DEFB119: variants seen among roughly 807,000 people sequenced by gnomAD.
DEFB119 encodes the protein defensin beta 119.
A neutral mutation model predicts 2.5 loss-of-function variants in DEFB119; 3 were observed. The observed-to-expected ratio is 1.19, with a 90% CI of 0.54 to 3.07. The LOEUF (loss-of-function observed/expected upper bound fraction) is 3.07. Among genes scored for constraint, DEFB119 ranks in the 30% most tolerant of loss-of-function variants. The probability of loss-of-function intolerance (pLI) is 0.03; values close to 1 mark genes in which losing one functional copy is unlikely to be tolerated. For missense variants in DEFB119, 113 were observed against 101.1 expected (o/e 1.12, Z -0.50); for synonymous variants, 29 against 33.7 (o/e 0.86, Z 0.48).
Position 31,377,170 on chromosome 20 carries a change from G to T in DEFB119, c.*76C>A. 2 of 1,418,152 alleles carry T rather than the reference G, an allele frequency of 1.4e-6. No homozygotes were observed. The highest frequency in any genetic ancestry group is 9.6e-7 in the Non-Finnish European group (1 of 1,046,726). 87.8% of individuals were successfully genotyped at this position (1,418,152 alleles called of 1,614,324 possible). A position where few individuals can be genotyped will look rare whatever the true frequency, so the allele number is the denominator to read the frequency against. ...GACCAAAGACAGACAAGGGTAGCAG[G>T]CACATGAATTTTAATGAGGGGGGTT... is the stretch of plus-strand genomic sequence containing the variant. On this transcript the variant is annotated 3_prime_UTR_variant, in exon 2 of 2. Transcript: ENST00000376321.
intron 1 of DEFB119, among the ~76,000 whole-genome samples, chr20:31,385,209 C>G (rs1180951845): frequency 3.9e-5 from 6 of 152,052 alleles, no homozygotes; most frequent in Non-Finnish European, 8.8e-5. Context: ...ACTGAAAAAT[C>G]CTTTTTCTAC....
chr20:31,390,370 A>G, intron 1 of DEFB119, 53 bp downstream of exon 1: 2 of 1,538,626 alleles, frequency 1.3e-6, no homozygotes, highest in East Asian at 4.5e-5. Context: ...GGGAAGGGAA[A>G]GACGGGAAGC....
chr20:31,388,899 TC>T, intron 1 of DEFB119: 3 of 1,479,914 alleles, frequency 2.0e-6, no homozygotes, highest in East Asian at 2.5e-5. Context: ...GCTCTTCACC[TC>T]CCCCTGCCAT....
At chr20:31,385,374 C>CAAAAAAAAAAAAAAAAAAA (rs539118665) in intron 1 of DEFB119, among the ~76,000 whole-genome samples, 1 of 115,802 alleles carries the variant, frequency 8.6e-6, no homozygotes, top group Non-Finnish European at 1.7e-5. Flanking sequence ...TAACAAAAGA[C>CAAAAAAAAAAAAAAAAAAA]AAAAAAAAAA....
intron 1 of DEFB119, among the ~76,000 whole-genome samples, chr20:31,384,418 T>C (rs1171140919): frequency 1.3e-5 from 2 of 152,128 alleles, no homozygotes; most frequent in Non-Finnish European, 2.9e-5. Context: ...TATATACACC[T>C]ACTATTTATC....
At chr20:31,387,465 T>C (rs184711581) in intron 1 of DEFB119, among the ~76,000 whole-genome samples, 1 of 152,234 alleles carries the variant, frequency 6.6e-6, no homozygotes, top group African/African-American at 2.4e-5. Flanking sequence ...AATATATCTA[T>C]CCTCATTTAC....
intron 1 of DEFB119, 129 bp from the exon 2 acceptor site, chr20:31,377,568 C>T: frequency 9.8e-7 from 1 of 1,016,114 alleles, no homozygotes; most frequent in Non-Finnish European, 1.4e-6. Flanking sequence ...GTGACTTCTA[C>T]TTCCAGAAAA....
At chr20:31,381,674 G>T (rs971195682) in intron 1 of DEFB119, among the ~76,000 whole-genome samples, 2 of 152,142 alleles carry the variant, frequency 1.3e-5, no homozygotes, top group African/African-American at 4.8e-5. Flanking sequence ...AGCCGCATGT[G>T]GTGGCACGCA....
At chr20:31,381,917 T>C (rs942931960) in intron 1 of DEFB119, among the ~76,000 whole-genome samples, 1 of 152,100 alleles carries the variant, frequency 6.6e-6, no homozygotes, top group Non-Finnish European at 1.5e-5. Context: ...GCTATAGAGA[T>C]GGGAAAACAG....
At chr20:31,382,165 C>T (rs746356075) in intron 1 of DEFB119, among the ~76,000 whole-genome samples, 34 of 152,138 alleles carry the variant, frequency 2.2e-4, no homozygotes, top group Admixed American at 3.3e-4. Context: ...AAAATCTAAG[C>T]ATTGGAGAAA....
chr20:31,385,374 C>CAAA lies in DEFB119; in HGVS notation c.61+5046_61+5048dup, dbSNP rs539118665. On this transcript the variant is annotated intron_variant, in intron 1 of 1. Transcript: ENST00000376321. ...AAGAAACAAGACAAATAACAAAAGA[C>CAAA]AAAAAAAAAAAAAAAAAACACAGTT... 5.9e-3 allele frequency among the ~76,000 whole-genome samples: 682 copies of CAAA among 115,726 alleles called. 12 individuals carry two copies. Among genetic ancestry groups the CAAA allele is most frequent in the African/African-American group, 0.018 (548 of 29,710 alleles). 75.9% of individuals were successfully genotyped at this position (115,726 alleles called of 152,430 possible).
At chr20:31,378,528 GA>G (rs925945100) in intron 1 of DEFB119, 45 of 1,369,030 alleles carry the variant, frequency 3.3e-5, no homozygotes, top group East Asian at 4.9e-5. Flanking sequence ...TAACTTTAAT[GA>G]AAAAAAAGAC....
intron 1 of DEFB119, among the ~76,000 whole-genome samples, chr20:31,379,241 G>A (rs189549059): frequency 4.3e-4 from 66 of 152,102 alleles, no homozygotes; most frequent in Middle Eastern, 3.4e-3. Flanking sequence ...TTAATTTGTC[G>A]GAAGGCATTA....
chr20:31,387,154 A>G (rs1276283622), intron 1 of DEFB119, among the ~76,000 whole-genome samples: 1 of 152,212 alleles, frequency 6.6e-6, no homozygotes, highest in Non-Finnish European at 1.5e-5. Context: ...CATGTTCTAA[A>G]TACAAAGAAA....
chr20:31,390,415 C>T lies in DEFB119; in HGVS notation c.61+8G>A, dbSNP rs1040223112. On this transcript the variant is annotated splice_region_variant and intron_variant, in intron 1 of 1. Transcript: ENST00000376321. ...GGAACCCAGACCCCCGAGAGAGGTT[C>T]ACGTTACCTGATATCACTGGTTCTT... The T allele has an allele frequency of 6.2e-7, 1 of 1,612,058 alleles. No homozygotes were observed. The highest frequency in any genetic ancestry group is 8.5e-7 in the Non-Finnish European group (1 of 1,179,176).
chr20:31,383,885 T>C (rs965126602), intron 1 of DEFB119, among the ~76,000 whole-genome samples: 2 of 152,158 alleles, frequency 1.3e-5, no homozygotes, highest in Non-Finnish European at 2.9e-5. Flanking sequence ...CAACAAGATC[T>C]GATGGTTTTA....
At chr20:31,390,603 C>A, upstream of DEFB119, 2 of 923,666 alleles carry the variant, frequency 2.2e-6, no homozygotes, top group South Asian at 1.5e-5. Flanking sequence ...TGAATTAGAA[C>A]AGGAGGGGAT....
At chr20:31,381,763 A>G (rs989847045) in intron 1 of DEFB119, among the ~76,000 whole-genome samples, 6 of 152,110 alleles carry the variant, frequency 3.9e-5, no homozygotes, top group Non-Finnish European at 7.4e-5. Context: ...GTGAGCTAAG[A>G]TCACACCACT....
chr20:31,388,818 G>A, intron 1 of DEFB119: 1 of 893,768 alleles, frequency 1.1e-6, no homozygotes, highest in Non-Finnish European at 1.6e-6. Context: ...GCTGGTAGAT[G>A]GGGAATCATC....
Sources: gnomAD v4.1 joint callset for allele counts (sites outside exome capture counted in the v4.1 genomes callset) on GRCh38, gnomAD v4.1.1 for gene constraint, MANE v1.5 for transcripts, NCBI Gene and HGNC (gene_info 2026-07-23, HGNC 2026-07-21) for gene names.